Variants in PC observed in about 807,000 individuals in gnomAD.
PC encodes the protein pyruvate carboxylase, also known as pyruvate carboxylase, mitochondrial.
In PC, 46 loss-of-function variants were observed where a neutral mutation model predicts 107.8. The observed-to-expected ratio is 0.43, with a 90% CI of 0.34 to 0.55. The LOEUF is 0.55. Ranked by LOEUF, PC falls within the 20% of genes least tolerant of loss-of-function variation. The pLI is 0.04. For missense variants in PC, 1,241 were observed against 1,643.1 expected, an observed-to-expected ratio of 0.76 and a Z score of 4.23; for synonymous variants, 662 against 684.7, an observed-to-expected ratio of 0.97 and a Z score of 0.52.
rs1262086057 is a variant in PC, at chr11:66,858,711, G to A, written c.1368+5063C>T. ...GGTCGGTCCTGACGACCGGTTGGTT[G>A]GCAACTCCTCCCGAGCCCGGGCTTT... On this transcript the variant is annotated intron_variant, in intron 12 of 22. Transcript: ENST00000393960. The surrounding 1 kb of genome is among the most constrained non-coding windows in gnomAD (Gnocchi z 5.9). 4.5e-6 allele frequency: 7 copies of A among 1,552,654 alleles called. No individual in the cohort carries two copies. In the South Asian group the frequency reaches 8.3e-5, roughly 18 times the overall value.
intron 3 of PC, among the ~76,000 whole-genome samples, chr11:66,909,738 T>A (rs984569547): frequency 6.6e-6 from 1 of 151,974 alleles, no homozygotes; most frequent in Non-Finnish European, 1.5e-5. Context: ...AGTGCTGAAC[T>A]AGTGATGGGA....
intron 3 of PC, among the ~76,000 whole-genome samples, chr11:66,923,620 T>C (rs971676618): frequency 6.6e-6 from 1 of 151,780 alleles, no homozygotes. Flanking sequence ...TGCAAGTGAT[T>C]CTCCCGCTTC....
chr11:66,946,620 C>CA (rs1342723477), intron 3 of PC, among the ~76,000 whole-genome samples: 2 of 150,288 alleles, frequency 1.3e-5, no homozygotes, highest in African/African-American at 2.4e-5. Flanking sequence ...GACTCCATCT[C>CA]AAAAAAAAAA....
intron 2 of PC, among the ~76,000 whole-genome samples, chr11:66,953,919 G>A (rs986278563): frequency 3.3e-5 from 5 of 152,132 alleles, no homozygotes; most frequent in African/African-American, 9.7e-5. Context: ...TTCGTAATAG[G>A]ATTGTTGTGA....
At chr11:66,891,032 C>T (rs1311155801) in intron 3 of PC, among the ~76,000 whole-genome samples, 3 of 152,084 alleles carry the variant, frequency 2.0e-5, no homozygotes, top group Admixed American at 6.6e-5. Context: ...GGAATTGCTG[C>T]GTCAGACAAT....
At chr11:66,919,108 CTT>C (rs1948532341) in intron 3 of PC, among the ~76,000 whole-genome samples, 1 of 152,134 alleles carries the variant, frequency 6.6e-6, no homozygotes, top group Non-Finnish European at 1.5e-5. Flanking sequence ...ATGGAAAAAA[CTT>C]TCTATTTTCA....
chr11:66,921,497 G>A (rs193063834), intron 3 of PC, among the ~76,000 whole-genome samples: 1 of 152,260 alleles, frequency 6.6e-6, no homozygotes, highest in South Asian at 2.1e-4. Flanking sequence ...CACAAGCACA[G>A]AAATGACAAA....
At chr11:66,934,330 ATTTG>A (rs1451578564) in intron 3 of PC, 1 of 152,568 alleles carries the variant, frequency 6.6e-6, no homozygotes, top group African/African-American at 2.4e-5. Context: ...GTGTGATTTC[ATTTG>A]TTTATGTGTT....
chr11:66,861,491 C>G (rs1591163672), intron 12 of PC, among the ~76,000 whole-genome samples: 1 of 152,250 alleles, frequency 6.6e-6, no homozygotes, highest in Non-Finnish European at 1.5e-5. Context: ...GTGCATGGAC[C>G]TGGCTCACAC....
At chr11:66,942,262 T>A (rs569516898) in intron 3 of PC, among the ~76,000 whole-genome samples, 2 of 151,168 alleles carry the variant, frequency 1.3e-5, no homozygotes, top group Non-Finnish European at 2.9e-5. Flanking sequence ...TAGCTGGGCA[T>A]GGTGGCAGGC....
At chr11:66,908,457 A>G (rs1948232512) in intron 3 of PC, among the ~76,000 whole-genome samples, 1 of 152,194 alleles carries the variant, frequency 6.6e-6, no homozygotes, top group Non-Finnish European at 1.5e-5. Flanking sequence ...ATGCTTGAAC[A>G]TACTATGAAA....
At chr11:66,864,167 C>A (rs1946395642) in intron 11 of PC, among the ~76,000 whole-genome samples, 1 of 152,262 alleles carries the variant, frequency 6.6e-6, no homozygotes, top group Non-Finnish European at 1.5e-5. Context: ...CACGCAGTCA[C>A]TGCTACTGGC....
In PC at chr11:66,850,725, G is replaced by C; in HGVS notation, c.2422C>G (p.Pro808Ala). 2 of 1,611,412 alleles carry C rather than the reference G, an allele frequency of 1.2e-6. No individual in the cohort carries two copies. ...ADSMSGMTSQ[P>A]SMGALVACTR... ...CAGGCCACCAGGGCCCCCATGCTGG[G>C]CTGTGAAGTCATCCCAGACATGGAA... The change falls in exon 18 of 23, where the codon CCC becomes GCC. Residue 808 changes from proline to alanine, a missense_variant. By Grantham distance (27) the Pro-to-Ala change is conservative (BLOSUM62 -1). Transcript: ENST00000393960.
At position 66,866,766 on chromosome 11, in the gene PC, G is replaced by A. The variant is rs1946517311; in HGVS notation, c.1023-417C>T. ...CCTCAGCAGATCTCTAGGTCAGAGGGCCAGGATAGCACATTCTTGGGGCCA... is the reference window on the plus strand; with the variant it reads ...CCTCAGCAGATCTCTAGGTCAGAGGACCAGGATAGCACATTCTTGGGGCCA... On this transcript the variant is annotated intron_variant, in intron 10 of 22. Transcript: ENST00000393960. The surrounding 1 kb of genome is among the most constrained non-coding windows in gnomAD (Gnocchi z 5.4). Among the ~76,000 whole-genome samples, 1 of 152,202 alleles carries A rather than the reference G, an allele frequency of 6.6e-6. No homozygotes were observed. Among genetic ancestry groups the A allele is most frequent in the Non-Finnish European group, 1.5e-5 (1 of 68,044 alleles).
chr11:66,872,690 G>T (rs1409696709), intron 3 of PC, among the ~76,000 whole-genome samples: 1 of 151,886 alleles, frequency 6.6e-6, no homozygotes, highest in Non-Finnish European at 1.5e-5. Flanking sequence ...AGCCGAGATC[G>T]TGCCACTGTA....
At position 66,874,183 on chromosome 11, in the gene PC, C is replaced by T. The variant is rs1002182093; in HGVS notation, c.1-2024G>A. On this transcript the variant is annotated intron_variant, in intron 3 of 22. Transcript: ENST00000393960. ...CCATCTTGGCCAGGCTGGCCTCGACCTCCTGACCTCAGGCGATCCACCTGC... is the reference window on the plus strand; with the variant it reads ...CCATCTTGGCCAGGCTGGCCTCGACTTCCTGACCTCAGGCGATCCACCTGC... Among the ~76,000 whole-genome samples, 5 of 152,186 alleles carry T rather than the reference C, an allele frequency of 3.3e-5. No individual in the cohort carries two copies. The South Asian group carries it at 6.2e-4, about 19-fold the overall frequency.
rs1946518840 is a variant in PC, at chr11:66,866,797, G to T, written c.1023-448C>A. ...ATAGCACATTCTTGGGGCCATATGT[G>T]CTATGCTGTGTGGGTGGTTGTGAGG... On this transcript the variant is annotated intron_variant, in intron 10 of 22. Transcript: ENST00000393960. The surrounding 1 kb of genome is among the most constrained non-coding windows in gnomAD (Gnocchi z 5.4). 6.6e-6 allele frequency among the ~76,000 whole-genome samples: 1 copy of T among 152,188 alleles called. No individual in the cohort carries two copies. Among genetic ancestry groups the T allele is most frequent in the Admixed American group, 6.5e-5 (1 of 15,278 alleles).
chr11:66,931,453 G>A (rs1948850978), intron 3 of PC, among the ~76,000 whole-genome samples: 1 of 151,466 alleles, frequency 6.6e-6, no homozygotes, highest in Admixed American at 6.6e-5. Context: ...AACATAGGGG[G>A]CTTATATGGT....
chr11:66,850,557 C>G (rs1264242836), intron 18 of PC, 93 bp from the exon 19 acceptor site: 3 of 1,606,044 alleles, frequency 1.9e-6, no homozygotes, highest in African/African-American at 2.7e-5. Context: ...ACTCAGGTGA[C>G]AGAAGGCGGC....
Sources: allele counts gnomAD v4.1 joint callset (sites outside exome capture counted in the v4.1 genomes callset), GRCh38; gene constraint gnomAD v4.1.1; non-coding constraint Gnocchi (gnomAD v3.1); transcripts MANE v1.5; gene names NCBI Gene and HGNC (gene_info 2026-07-23, HGNC 2026-07-21).